PTPRT: variants seen among roughly 807,000 people sequenced by gnomAD.
The protein encoded by PTPRT is protein tyrosine phosphatase receptor type T.
Under a neutral mutation model 176.8 loss-of-function variants are expected in PTPRT, and 56 were observed. The observed-to-expected ratio is 0.32, with a 90% confidence interval of 0.26 to 0.40. PTPRT has a LOEUF of 0.40. Ranked by LOEUF, PTPRT falls within the 10% of genes least tolerant of loss-of-function variation. The pLI, the probability that PTPRT is intolerant of heterozygous loss-of-function variation, is 1.00. For synonymous variants in PTPRT, 783 were observed against 739.0 expected (o/e 1.06, Z -0.96); for missense variants, 1,540 against 1,908.2 (o/e 0.81, Z 3.60).
intron 6 of PTPRT, among the ~76,000 whole-genome samples, chr20:42,696,659 G>T (rs911553154): frequency 6.6e-6 from 1 of 152,018 alleles, no homozygotes; most frequent in South Asian, 2.1e-4. Context: ...GTTTCACCAT[G>T]TTAGCCAGGA....
In PTPRT at chr20:42,472,409, T is replaced by C; in HGVS notation, c.1307A>G (p.Glu436Gly). ...GGAGGTCTGGATGACCTCCTCGGCCTCGTACTGCTGCTGGTTGAACACATA... is the reference window on the plus strand; with the variant it reads ...GGAGGTCTGGATGACCTCCTCGGCCCCGTACTGCTGCTGGTTGAACACATA... ...YQYVFNQQQYEAEEVIQTSSH... is the reference protein window; with the variant it reads ...YQYVFNQQQYGAEEVIQTSSH... The change falls in exon 8 of 31, where the codon GAG becomes GGG. Residue 436 changes from glutamate (E) to glycine (G), a missense_variant. Physicochemically the swap from Glu to Gly is moderately conservative, Grantham distance 98 (BLOSUM62 -2). Around this residue, in one of 11 missense-constraint regions of PTPRT, gnomAD observed 79 missense variants for 80.0 expected, o/e 0.99. Coordinates refer to ENST00000373187, the MANE Select transcript of PTPRT (RefSeq NM_007050.6). 6.2e-7 allele frequency: 1 copy of C among 1,614,246 alleles called. No individual in the cohort carries two copies. The highest frequency in any genetic ancestry group is 8.5e-7 in the Non-Finnish European group (1 of 1,180,046).
intron 7 of PTPRT, among the ~76,000 whole-genome samples, chr20:42,594,523 T>G (rs1023125214): frequency 6.6e-6 from 1 of 152,192 alleles, no homozygotes; most frequent in Admixed American, 6.5e-5. Context: ...GAATCAACCT[T>G]TAAAAAAATT....
At chr20:42,712,226 C>A (rs1600648797) in intron 6 of PTPRT, among the ~76,000 whole-genome samples, 1 of 152,294 alleles carries the variant, frequency 6.6e-6, no homozygotes, top group East Asian at 1.9e-4. Context: ...AAGATAGTCC[C>A]TTTCCCCAAG....
intron 1 of PTPRT, among the ~76,000 whole-genome samples, chr20:43,102,740 T>C (rs1336454051): frequency 1.3e-5 from 2 of 152,200 alleles, no homozygotes; most frequent in African/African-American, 4.8e-5. Flanking sequence ...GACTGCACGC[T>C]GGTACCTATG....
At chr20:42,636,233 G>C (rs1381853378) in intron 7 of PTPRT, among the ~76,000 whole-genome samples, 1 of 152,084 alleles carries the variant, frequency 6.6e-6, no homozygotes, top group Non-Finnish European at 1.5e-5. Flanking sequence ...TCTGAAGTGG[G>C]TAGGGACTGA....
intron 7 of PTPRT, among the ~76,000 whole-genome samples, chr20:42,647,192 C>T (rs542704188): frequency 5.9e-5 from 9 of 152,034 alleles, no homozygotes; most frequent in Admixed American, 5.2e-4. Context: ...CCACCATGCC[C>T]AGCCTCCAAT....
chr20:42,666,697 A>G (rs776462414), intron 7 of PTPRT, among the ~76,000 whole-genome samples: 1 of 152,230 alleles, frequency 6.6e-6, no homozygotes, highest in South Asian at 2.1e-4. Flanking sequence ...CTCATCCTCA[A>G]TAAAACTTTG....
chr20:43,138,704 A>C (rs1017779012), intron 1 of PTPRT, among the ~76,000 whole-genome samples: 4 of 152,108 alleles, frequency 2.6e-5, no homozygotes, highest in Admixed American at 2.0e-4. Flanking sequence ...CCGGGGATTC[A>C]GTCTAAGTGG....
chr20:42,276,942 T>C (rs952076398), intron 13 of PTPRT, among the ~76,000 whole-genome samples: 1 of 152,012 alleles, frequency 6.6e-6, no homozygotes, highest in Non-Finnish European at 1.5e-5. Context: ...TCCCTGCTGG[T>C]CCCTGCAGGA....
intron 1 of PTPRT, among the ~76,000 whole-genome samples, chr20:43,065,443 T>A (rs1316424517): frequency 1.3e-5 from 2 of 152,198 alleles, no homozygotes; most frequent in Non-Finnish European, 2.9e-5. Context: ...AAGGGCCTAG[T>A]AAAGTATTCT....
chr20:42,584,477 C>A (rs1043690029), intron 7 of PTPRT, among the ~76,000 whole-genome samples: 2 of 152,128 alleles, frequency 1.3e-5, no homozygotes, highest in Non-Finnish European at 2.9e-5. Context: ...TGGCTTCATG[C>A]AGGCCTTTGC....
intron 15 of PTPRT, among the ~76,000 whole-genome samples, chr20:42,230,903 C>T (rs1189856324): frequency 6.6e-6 from 1 of 152,240 alleles, no homozygotes; most frequent in Middle Eastern, 3.2e-3. Flanking sequence ...TTCCATAGCT[C>T]CATTTTTATT....
chr20:43,051,632 A>AG (rs1230525809), intron 1 of PTPRT, among the ~76,000 whole-genome samples: 110 of 150,430 alleles, frequency 7.3e-4, no homozygotes, highest in African/African-American at 2.6e-3. Context: ...CTGTAAAAAA[A>AG]AAAAAAAAAA....
At chr20:42,313,214 G>A (rs149885969) in intron 12 of PTPRT, among the ~76,000 whole-genome samples, 1 of 152,170 alleles carries the variant, frequency 6.6e-6, no homozygotes, top group Non-Finnish European at 1.5e-5. Flanking sequence ...AAAAGGGGAG[G>A]CATGAATAAT....
chr20:42,489,013 TGTG>T (rs2071513102), intron 7 of PTPRT, among the ~76,000 whole-genome samples: 1 of 3,110 alleles, frequency 3.2e-4, no homozygotes, highest in Admixed American at 4.2e-3. Flanking sequence ...CAAGTTTGTG[TGTG>T]TGTGTGTGTG....
At chr20:42,329,477 A>G (rs2057934068) in intron 11 of PTPRT, among the ~76,000 whole-genome samples, 3 of 136,016 alleles carry the variant, frequency 2.2e-5, no homozygotes, top group Non-Finnish European at 3.2e-5. Context: ...ATAGTGGCAC[A>G]CACACACACA....
intron 9 of PTPRT, among the ~76,000 whole-genome samples, chr20:42,411,654 G>T (rs1200981814): frequency 1.3e-5 from 2 of 151,888 alleles, no homozygotes; most frequent in East Asian, 3.9e-4. Context: ...CATTACTACA[G>T]ATCTTTGAGA....
chr20:42,615,535 T>C (rs1569020237), intron 7 of PTPRT, among the ~76,000 whole-genome samples: 1 of 138,830 alleles, frequency 7.2e-6, no homozygotes. Context: ...ATGGTTGAAC[T>C]GGATTACAGT....
chr20:42,539,673 C>A (rs988409861), intron 7 of PTPRT, among the ~76,000 whole-genome samples: 173 of 141,524 alleles, frequency 1.2e-3, no homozygotes, highest in African/African-American at 4.1e-3. Flanking sequence ...AAAAAAAAAA[C>A]AAACTATTAC....
Sources: gnomAD v4.1 joint callset for allele counts (sites outside exome capture counted in the v4.1 genomes callset) on GRCh38, gnomAD v4.1.1 for gene constraint, gnomAD v4.1.1 regional missense constraint, MANE v1.5 for transcripts, NCBI Gene and HGNC (gene_info 2026-07-23, HGNC 2026-07-21) for gene names.